Variants in PMS1 observed in about 807,000 individuals in gnomAD.
PMS1 encodes PMS1 homolog 1, mismatch repair system component.
A neutral mutation model predicts 93.1 loss-of-function variants in PMS1; 79 were observed. That is an observed-to-expected ratio of 0.85 (90% CI 0.71 to 1.02). The LOEUF (loss-of-function observed/expected upper bound fraction) is 1.02, where lower values mean the gene tolerates loss of function less well. Ranked by LOEUF, PMS1 falls within the 50% of genes least tolerant of loss-of-function variation. The pLI is 0.00. For missense variants in PMS1, 1,064 were observed against 1,085.3 expected, an observed-to-expected ratio of 0.98 and a Z score of 0.28; for synonymous variants, 335 against 363.4, an observed-to-expected ratio of 0.92 and a Z score of 0.89.
At chr2:189,795,398 T>C (rs1289237617) in intron 2 of PMS1, among the ~76,000 whole-genome samples, 1 of 152,234 alleles carries the variant, frequency 6.6e-6, no homozygotes, top group Non-Finnish European at 1.5e-5. Context: ...AGTTCTGTTC[T>C]GTTCTGTTTT....
At chr2:189,837,234 T>C (rs986985812) in intron 5 of PMS1, among the ~76,000 whole-genome samples, 1 of 151,216 alleles carries the variant, frequency 6.6e-6, no homozygotes, top group African/African-American at 2.4e-5. Context: ...GGTGAGCCAC[T>C]CCCACCTCAG....
At chr2:189,805,885 T>G in intron 4 of PMS1, 131 bp downstream of exon 4, 1 of 1,542,062 alleles carries the variant, frequency 6.5e-7, no homozygotes, top group Non-Finnish European at 8.7e-7. Context: ...CTAGTTAACT[T>G]CCAAGTAAAC....
At chr2:189,805,302 T>C (rs536622273) in intron 3 of PMS1, among the ~76,000 whole-genome samples, 19 of 152,206 alleles carry the variant, frequency 1.2e-4, no homozygotes, top group Non-Finnish European at 2.2e-4. Context: ...ATGGAAATAG[T>C]CTGTTAAAAA....
chr2:189,865,727 C>G (rs543299949), intron 10 of PMS1, among the ~76,000 whole-genome samples: 4 of 152,218 alleles, frequency 2.6e-5, no homozygotes, highest in African/African-American at 9.6e-5. Flanking sequence ...TAATGACTAA[C>G]CTATTAACAT....
At chr2:189,838,729 C>T (rs1021371943) in intron 5 of PMS1, among the ~76,000 whole-genome samples, 2 of 152,094 alleles carry the variant, frequency 1.3e-5, no homozygotes, top group South Asian at 4.2e-4. Context: ...AGTAAAGTAC[C>T]AAAGTTTGCA....
chr2:189,795,996 A>T (rs2049321346), intron 3 of PMS1, 45 bp downstream of exon 3: 1 of 1,258,142 alleles, frequency 7.9e-7, no homozygotes. Context: ...ATATTCACTG[A>T]ACATTACAGT....
rs371691303 is a variant in PMS1 at position 189,805,780 on chromosome 2, C to T, written c.418+26C>T. 19 of 1,612,636 alleles carry T rather than the reference C, an allele frequency of 1.2e-5. No homozygotes were observed. The African/African-American group carries it at 2.0e-4, about 17-fold the overall frequency. On this transcript the variant is annotated intron_variant, in intron 4 of 12. Coordinates refer to ENST00000441310, the MANE Select transcript of PMS1 (RefSeq NM_000534.5). ...GTAAGAAAGTAGCTTTGTATACAAA[C>T]ATTCTTTACCTTTTCTGTCTTAATT... is the stretch of plus-strand genomic sequence containing the variant.
At position 189,795,844 on chromosome 2, in the gene PMS1, G is replaced by T. The variant is rs753676547; in HGVS notation, c.208G>T (p.Ala70Ser). Residue 70 changes from alanine to serine, a missense_variant, in exon 3 of 13, where the codon GCA (alanine) becomes TCA (serine). By Grantham distance (99) the Ala-to-Ser change is moderately conservative. Transcript: ENST00000441310. ...GIKAVDAPVM[A>S]MKYYTSKINS... The stretch of plus-strand genomic sequence containing the variant: ...CAAGGCTGTTGATGCACCTGTAATG[G>T]CAATGAAGTACTACACCTCAAAAAT... 17 of 1,612,602 alleles carry T rather than the reference G, an allele frequency of 1.1e-5. No homozygotes were observed. The highest frequency in any genetic ancestry group is 1.7e-4 in the Middle Eastern group (1 of 6,056).
intron 6 of PMS1, among the ~76,000 whole-genome samples, chr2:189,851,079 C>T (rs2054663004): frequency 6.6e-6 from 1 of 152,024 alleles, no homozygotes; most frequent in East Asian, 1.9e-4. Flanking sequence ...GTTATTTTTC[C>T]ATGAACTGGC....
At chr2:189,812,470 C>T (rs1189725527) in intron 4 of PMS1, among the ~76,000 whole-genome samples, 1 of 152,112 alleles carries the variant, frequency 6.6e-6, no homozygotes, top group African/African-American at 2.4e-5. Context: ...GAAAATGATT[C>T]TACATGGCAA....
intron 5 of PMS1, among the ~76,000 whole-genome samples, chr2:189,835,933 T>A (rs991398312): frequency 1.3e-5 from 2 of 148,874 alleles, no homozygotes; most frequent in African/African-American, 5.1e-5. Flanking sequence ...AAAAAATTCA[T>A]TGGTGCTGCT....
At position 189,831,664 on chromosome 2, in the gene PMS1, A is replaced by T. The variant is rs74485608; in HGVS notation, c.583-12300A>T. On this transcript the variant is annotated intron_variant, in intron 5 of 12. Coordinates refer to ENST00000441310, the MANE Select transcript of PMS1 (RefSeq NM_000534.5). ...ATAATTTTGATTTTACTCCTAAAAG[A>T]AGCTTATAGAAACAAAACTTTTAAA... Among the ~76,000 whole-genome samples the T allele has an allele frequency of 8.5e-5, 13 of 152,348 alleles. No individual in the cohort carries two copies. The East Asian group carries it at 2.5e-3, about 29-fold the overall frequency.
chr2:189,809,476 C>CTTTTTTTTTTTTTTT (rs1575097384), intron 4 of PMS1, among the ~76,000 whole-genome samples: 102 of 36,190 alleles, frequency 2.8e-3, no homozygotes, highest in African/African-American at 3.9e-3. Flanking sequence ...TTTTTTTTTG[C>CTTTTTTTTTTTTTTT]TTTTTGAGAC....
intron 2 of PMS1, 148 bp from the exon 3 acceptor site, chr2:189,795,621 G>C (rs1005470388): frequency 4.5e-6 from 3 of 672,174 alleles, no homozygotes; most frequent in Non-Finnish European, 7.8e-6. Flanking sequence ...GAAATTAGTA[G>C]AGCTGAAGAA....
At chr2:189,847,004 G>A (rs1272873081) in intron 6 of PMS1, among the ~76,000 whole-genome samples, 3 of 151,878 alleles carry the variant, frequency 2.0e-5, no homozygotes, top group Non-Finnish European at 2.9e-5. Context: ...TGGGATTGCA[G>A]GTGCGCACCA....
intron 11 of PMS1, among the ~76,000 whole-genome samples, chr2:189,868,635 A>T (rs1393296640): frequency 6.6e-6 from 1 of 152,186 alleles, no homozygotes; most frequent in Non-Finnish European, 1.5e-5. Context: ...TCCTGCCTCT[A>T]AACTTGTCAT....
intron 6 of PMS1, among the ~76,000 whole-genome samples, 167 bp from the exon 7 acceptor site, chr2:189,852,483 CTATTT>C (rs1427447741): frequency 6.6e-6 from 1 of 152,170 alleles, no homozygotes; most frequent in Non-Finnish European, 1.5e-5. Context: ...GCATGCTTTA[CTATTT>C]TATTTAAAGT....
intron 1 of PMS1, among the ~76,000 whole-genome samples, chr2:189,789,269 A>G (rs2048634356): frequency 2.0e-5 from 3 of 152,194 alleles, no homozygotes; most frequent in Admixed American, 2.0e-4. Context: ...ACAGTAAACC[A>G]GTGAGGTATT....
In PMS1 at chr2:189,873,587, T is replaced by C. The variant is rs1175738035; in HGVS notation, c.2565T>C (p.Asn855=). 4 of 1,601,998 alleles carry C rather than the reference T, an allele frequency of 2.5e-6. No individual in the cohort carries two copies. The African/African-American group carries it at 4.0e-5, about 16-fold the overall frequency. Residue 855 remains asparagine (N), a synonymous_variant, in exon 12 of 13, where the codon AAT becomes AAC. Transcript: ENST00000441310. ...YGVADLKEIL[N]AILNRNAKEV... ...TAGCAGATTTAAAAGAAATTCTTAA[T>C]GCTATATTAAACAGAAATGCAAAGG...
Sources: allele counts gnomAD v4.1 joint callset (sites outside exome capture counted in the v4.1 genomes callset), GRCh38; gene constraint gnomAD v4.1.1; transcripts MANE v1.5; gene names NCBI Gene and HGNC (gene_info 2026-07-23, HGNC 2026-07-21).